The following NLRP12 variants were observed in gnomAD, a reference collection of about 807,000 sequenced individuals.
The protein encoded by NLRP12 is NLR family pyrin domain containing 12.
A neutral mutation model predicts 91.2 loss-of-function variants in NLRP12; 108 were observed. The ratio of observed to expected loss-of-function variants is 1.18; its 90% CI spans 1.01 to 1.39. The LOEUF (loss-of-function observed/expected upper bound fraction) is 1.39. Ranked by LOEUF, NLRP12 falls within the 40% of genes most tolerant of loss-of-function variation. NLRP12 has a pLI of 0.00. For missense variants in NLRP12, 1,530 were observed against 1,352.7 expected, an observed-to-expected ratio of 1.13 and a Z score of -2.06; for synonymous variants, 613 against 566.7, an observed-to-expected ratio of 1.08 and a Z score of -1.16.
At chr19:53,803,268 G>A (rs1320791166) in intron 6 of NLRP12, among the ~76,000 whole-genome samples, 5 of 151,394 alleles carry the variant, frequency 3.3e-5, no homozygotes. Context: ...CACAACCTCC[G>A]CCTCCCAAGT....
At chr19:53,802,155 A>G (rs912217037) in intron 6 of NLRP12, among the ~76,000 whole-genome samples, 1 of 152,014 alleles carries the variant, frequency 6.6e-6, no homozygotes, top group African/African-American at 2.4e-5. Context: ...TGAACCCAGG[A>G]GGCGGAGGTT....
chr19:53,820,025 G>C (rs1192671569), intron 1 of NLRP12, among the ~76,000 whole-genome samples: 1 of 152,064 alleles, frequency 6.6e-6, no homozygotes, highest in Non-Finnish European at 1.5e-5. Context: ...CATTAACGAC[G>C]AGTCATTAAG....
intron 8 of NLRP12, among the ~76,000 whole-genome samples, chr19:53,797,900 G>A (rs1600674210): frequency 6.7e-6 from 1 of 150,192 alleles, no homozygotes; most frequent in Admixed American, 6.7e-5. Context: ...CACCAGGCCC[G>A]GCTATTTTTT....
At position 53,809,874 on chromosome 19, in the gene NLRP12, G is replaced by C. The variant is rs1460244049; in HGVS notation, c.1785C>G (p.Ile595Met). The change falls in exon 3 of 10, where the codon ATC (isoleucine) becomes ATG (methionine). Residue 595 changes from isoleucine to methionine, a missense_variant. Physicochemically the swap from Ile to Met is conservative, Grantham distance 10. Coordinates refer to ENST00000324134, the MANE Select transcript of NLRP12 (RefSeq NM_144687.4). Reference protein sequence around the residue: ...PHIKMDLLQWIQSKAQSDGST... With the variant: ...PHIKMDLLQWMQSKAQSDGST... The stretch of plus-strand genomic sequence containing the variant: ...AGCCGTCGCTCTGAGCTTTGCTTTG[G>C]ATCCACTGCAACAGGTCCATCTTGA... The C allele has an allele frequency of 6.2e-7, 1 of 1,614,080 alleles. No homozygotes were observed. The highest frequency in any genetic ancestry group is 8.5e-7 in the Non-Finnish European group (1 of 1,180,034).
Position 53,807,656 on chromosome 19 carries a change from C to T in NLRP12, c.2082G>A (p.Arg694=). 1.2e-6 allele frequency: 2 copies of T among 1,614,146 alleles called. No homozygotes were observed. The highest frequency in any genetic ancestry group is 1.7e-6 in the Non-Finnish European group (2 of 1,180,030). ...AHTLLVQLPE[R]TVLLDAYSEH... ...CACTGTAGGCGTCCAGCAGAACGGT[C>T]CTCTCTGGTCTGCTTGAAGGAAAGA... Residue 694 remains arginine, a synonymous_variant, in exon 4 of 10, where the codon AGG becomes AGA. Coordinates refer to ENST00000324134, the MANE Select transcript of NLRP12 (RefSeq NM_144687.4).
intron 1 of NLRP12, among the ~76,000 whole-genome samples, chr19:53,819,692 TAC>T (rs66662929): frequency 0.24 from 10,471 of 43,594 alleles, 3,756 homozygotes; most frequent in Non-Finnish European, 0.4. Context: ...TACATATATA[TAC>T]ACACACACAC....
chr19:53,796,832 C>T (rs1373908117), intron 8 of NLRP12, among the ~76,000 whole-genome samples: 2 of 150,676 alleles, frequency 1.3e-5, no homozygotes, highest in Non-Finnish European at 3.0e-5. Context: ...CCCGTCTCTA[C>T]TAAAAATACA....
At chr19:53,798,497 TGGTTGCAGACA>T (rs764459893) in intron 7 of NLRP12, 84 bp from the exon 8 acceptor site, 3 of 1,399,188 alleles carry the variant, frequency 2.1e-6, no homozygotes, top group Non-Finnish European at 3.0e-6. Context: ...AGCCCTGTGC[TGGTTGCAGACA>T]GAGGGACAGA....
rs1169155457 is a variant in NLRP12 at position 53,810,191 on chromosome 19, C to A, written c.1468G>T (p.Asp490Tyr). ...DLRKHGLDGE[D>Y]VSAFLNMNIF... ...TTCATGTTGAGGAAGGCAGAGACGT[C>A]TTCCCCGTCTAGGCCGTGCTTCCGG... is the stretch of plus-strand genomic sequence containing the variant. Residue 490 changes from aspartate (D) to tyrosine (Y), a missense_variant, in exon 3 of 10, where the codon GAC becomes TAC. Coordinates refer to ENST00000324134, the MANE Select transcript of NLRP12 (RefSeq NM_144687.4). 7 of 1,614,084 alleles carry A rather than the reference C, an allele frequency of 4.3e-6. No homozygotes were observed. Among genetic ancestry groups the A allele is most frequent in the African/African-American group, 1.3e-5 (1 of 74,940 alleles).
chr19:53,820,688 ATTAT>A (rs2097870386), intron 1 of NLRP12, among the ~76,000 whole-genome samples: 3 of 100,018 alleles, frequency 3.0e-5, no homozygotes, highest in Non-Finnish European at 2.2e-5. Context: ...TAAAAAATAA[ATTAT>A]TTTTTTTTTT....
chr19:53,811,578 A>ATT (rs942990064), intron 2 of NLRP12, among the ~76,000 whole-genome samples: 1 of 144,314 alleles, frequency 6.9e-6, no homozygotes, highest in Non-Finnish European at 1.5e-5. Context: ...AGACTGGCTA[A>ATT]TTTTTTTTTT....
chr19:53,815,141 A>G (rs909009806), intron 1 of NLRP12, among the ~76,000 whole-genome samples, 153 bp from the exon 2 acceptor site: 1 of 151,800 alleles, frequency 6.6e-6, no homozygotes, highest in Non-Finnish European at 1.5e-5. Flanking sequence ...TGTGTGGGAA[A>G]TAGCTCATCC....
chr19:53,813,391 T>A (rs2092111003), intron 2 of NLRP12, among the ~76,000 whole-genome samples: 1 of 135,522 alleles, frequency 7.4e-6, no homozygotes, highest in Non-Finnish European at 1.5e-5. Context: ...AAGCTCCGCC[T>A]CCCAGGCTCA....
intron 2 of NLRP12, among the ~76,000 whole-genome samples, chr19:53,814,071 A>G (rs2092120775): frequency 6.6e-6 from 1 of 152,120 alleles, no homozygotes. Flanking sequence ...CATTGTTAAC[A>G]GTGTTGCTGT....
At position 53,795,955 on chromosome 19, in the gene NLRP12, G is replaced by C; in HGVS notation, c.3002C>G (p.Thr1001Ser). Residue 1001 changes from threonine to serine, a missense_variant, in exon 9 of 10, where the codon ACC becomes AGC. Coordinates refer to ENST00000324134, the MANE Select transcript of NLRP12 (RefSeq NM_144687.4). ...GGCGTTGTTGGTCAGGTAAAGGTCG[G>C]TCAAGGTCTGGTTGATCCCCAGGGT... is the stretch of plus-strand genomic sequence containing the variant. The part of the protein sequence containing the change: ...YFTLGINQTL[T>S]DLYLTNNALG... The C allele has an allele frequency of 6.2e-7, 1 of 1,614,162 alleles. No individual in the cohort carries two copies. The highest frequency in any genetic ancestry group is 8.5e-7 in the Non-Finnish European group (1 of 1,180,026).
intron 9 of NLRP12, 118 bp from the exon 10 acceptor site, chr19:53,794,254 C>T (rs117519525): frequency 1.3e-6 from 1 of 779,820 alleles, no homozygotes; most frequent in East Asian, 2.5e-5. Flanking sequence ...CCAGAAATTC[C>T]ACCCAACGCT....
intron 4 of NLRP12, among the ~76,000 whole-genome samples, chr19:53,806,865 TAAAA>T (rs199586270): frequency 1.5e-5 from 2 of 137,662 alleles, no homozygotes; most frequent in South Asian, 2.3e-4. Flanking sequence ...CTCAAAAATT[TAAAA>T]AAAAAAAAAG....
At chr19:53,809,511 A>G in intron 3 of NLRP12, 76 bp downstream of exon 3, 2 of 1,299,730 alleles carry the variant, frequency 1.5e-6, no homozygotes, top group South Asian at 1.3e-5. Context: ...AGCCTAGGCA[A>G]CAGAGCAAAA....
intron 1 of NLRP12, among the ~76,000 whole-genome samples, chr19:53,823,142 T>TACACATATATACACATATATATAC (rs1383408604): frequency 6.7e-6 from 1 of 149,608 alleles, no homozygotes; most frequent in Non-Finnish European, 1.5e-5. Flanking sequence ...CACATATATA[T>TACACATATATACACATATATATAC]ACGTGTGTGT....
Sources: gnomAD v4.1 joint callset for allele counts (sites outside exome capture counted in the v4.1 genomes callset) on GRCh38, gnomAD v4.1.1 for gene constraint, MANE v1.5 for transcripts, NCBI Gene and HGNC (gene_info 2026-07-23, HGNC 2026-07-21) for gene names.